The following ADAMTS9 variants were observed in gnomAD, a reference collection of about 807,000 sequenced individuals.
ADAMTS9 encodes ADAM metallopeptidase with thrombospondin type 1 motif 9.
ADAMTS9 carries 107 observed loss-of-function variants against 257.1 expected under a neutral mutation model. The observed-to-expected ratio is 0.42, with a 90% CI of 0.36 to 0.49. The LOEUF (loss-of-function observed/expected upper bound fraction) is 0.49, where lower values mean the gene tolerates loss of function less well. Ranked by LOEUF, ADAMTS9 falls within the 20% of genes least tolerant of loss-of-function variation. ADAMTS9 has a pLI of 0.03. For missense variants in ADAMTS9, 2,353 were observed against 2,469.1 expected (o/e 0.95, Z 1.00); for synonymous variants, 982 against 880.9 (o/e 1.11, Z -2.03).
chr3:64,653,651 GATAGT>G (rs1312892925), intron 8 of ADAMTS9, among the ~76,000 whole-genome samples: 2 of 152,144 alleles, frequency 1.3e-5, no homozygotes, highest in African/African-American at 2.4e-5. Context: ...TTTCGAAATA[GATAGT>G]ATAAGTAATT....
intron 22 of ADAMTS9, among the ~76,000 whole-genome samples, chr3:64,608,204 C>T (rs370803928): frequency 6.9e-6 from 1 of 145,148 alleles, no homozygotes; most frequent in Non-Finnish European, 1.5e-5. Flanking sequence ...GATCTCAAAT[C>T]CACAACCTAA....
intron 12 of ADAMTS9, among the ~76,000 whole-genome samples, chr3:64,638,130 T>A (rs185059408): frequency 6.6e-6 from 1 of 152,300 alleles, no homozygotes; most frequent in East Asian, 1.9e-4. Flanking sequence ...AATCTATGAG[T>A]TTATTATTTT....
intron 19 of ADAMTS9, among the ~76,000 whole-genome samples, chr3:64,617,153 T>A (rs945861172): frequency 6.6e-6 from 1 of 152,172 alleles, no homozygotes; most frequent in Non-Finnish European, 1.5e-5. Context: ...CCTGTCACAG[T>A]GTAGTGGGGC....
At chr3:64,654,723 G>A (rs1176512657) in intron 6 of ADAMTS9, 111 bp from the exon 7 acceptor site, 4 of 1,256,268 alleles carry the variant, frequency 3.2e-6, no homozygotes, top group East Asian at 4.8e-5. Flanking sequence ...TTGGGGTGGG[G>A]GTTAAAAAAA....
intron 39 of ADAMTS9, among the ~76,000 whole-genome samples, chr3:64,519,113 G>A (rs1274978954): frequency 6.6e-6 from 1 of 152,054 alleles, no homozygotes; most frequent in Non-Finnish European, 1.5e-5. Flanking sequence ...TAATTGTTGT[G>A]GGCCTCAGCT....
chr3:64,557,226 T>C (rs1417544043), intron 30 of ADAMTS9, among the ~76,000 whole-genome samples: 1 of 152,032 alleles, frequency 6.6e-6, no homozygotes, highest in African/African-American at 2.4e-5. Context: ...GAGAAGAGTG[T>C]ATTCCAGGTA....
intron 36 of ADAMTS9, 91 bp from the exon 37 acceptor site, chr3:64,539,385 G>A: frequency 9.5e-7 from 1 of 1,056,048 alleles, no homozygotes; most frequent in Non-Finnish European, 1.4e-6. Flanking sequence ...AGACAGAAGG[G>A]AAGAAGAAGA....
At chr3:64,673,461 T>C (rs1002500229) in intron 3 of ADAMTS9, among the ~76,000 whole-genome samples, 1 of 152,162 alleles carries the variant, frequency 6.6e-6, no homozygotes, top group Non-Finnish European at 1.5e-5. Context: ...AAAGGGGCTA[T>C]ATGCAGCAAA....
rs185084634 is a variant in ADAMTS9 at position 64,607,131 on chromosome 3, C to T, written c.3355-52G>A. 81 of 1,598,156 alleles carry T rather than the reference C, an allele frequency of 5.1e-5. No individual in the cohort carries two copies. The East Asian group carries it at 1.5e-3, about 30-fold the overall frequency. On this transcript the variant is annotated intron_variant, in intron 22 of 39. Coordinates refer to ENST00000498707, the MANE Select transcript of ADAMTS9 (RefSeq NM_182920.2). ...TACAATTCAGCAAATCTTCTCTTTC[C>T]CTTACTTTCCCCATAACATTCTGCA... is the stretch of plus-strand genomic sequence containing the variant.
intron 11 of ADAMTS9, 108 bp downstream of exon 11, chr3:64,647,832 A>G: frequency 1.1e-6 from 1 of 944,452 alleles, no homozygotes. Flanking sequence ...TATGCAAGCT[A>G]AAACAGACTG....
At chr3:64,585,162 G>C (rs1339331340) in intron 28 of ADAMTS9, among the ~76,000 whole-genome samples, 1 of 152,128 alleles carries the variant, frequency 6.6e-6, no homozygotes, top group African/African-American at 2.4e-5. Flanking sequence ...ATAAATGATT[G>C]GGGAAACAGG....
chr3:64,686,723 C>A lies in ADAMTS9; in HGVS notation c.361G>T (p.Ala121Ser), dbSNP rs1440981794. The change falls in exon 2 of 40, where the codon GCT becomes TCT. Residue 121 changes from alanine (A) to serine (S), a missense_variant. Physicochemically the swap from Ala to Ser is moderately conservative, Grantham distance 99. Around this residue, in one of 3 missense-constraint regions of ADAMTS9, gnomAD observed 591 missense variants for 569.6 expected, o/e 1.04. Coordinates refer to ENST00000498707, the MANE Select transcript of ADAMTS9 (RefSeq NM_182920.2). The surrounding 1 kb of genome is among the most constrained non-coding windows in gnomAD (Gnocchi z 4.6). ...AGGAGGGTGACAGTGAACAGTGGAG[C>A]GATAAATCCGGCATTGGCGGTGAGA... The part of the protein sequence containing the change: ...FNLTANAGFI[A>S]PLFTVTLLGT... 4.3e-6 allele frequency: 7 copies of A among 1,613,996 alleles called. No individual in the cohort carries two copies. The East Asian group carries it at 6.7e-5, about 15-fold the overall frequency.
At position 64,615,412 on chromosome 3, in the gene ADAMTS9, T is replaced by C. The variant is rs1363050148; in HGVS notation, c.3098A>G (p.Asp1033Gly). The C allele has an allele frequency of 1.9e-6, 3 of 1,614,066 alleles. No individual in the cohort carries two copies. Among genetic ancestry groups the C allele is most frequent in the Non-Finnish European group, 2.5e-6 (3 of 1,179,934 alleles). ...CTCTTGATGTGTGCATTTGCTGTCA[T>C]CCAGTACATCATTTCGGGTATTGAC... is the stretch of plus-strand genomic sequence containing the variant. Reference protein sequence around the residue: ...ICVNTRNDVLDDSKCTHQEKV... With the variant: ...ICVNTRNDVLGDSKCTHQEKV... The change falls in exon 21 of 40, where the codon GAT becomes GGT. Residue 1033 changes from aspartate (D) to glycine (G), a missense_variant. By Grantham distance (94) the Asp-to-Gly change is moderately conservative (BLOSUM62 -1). Around this residue, in one of 3 missense-constraint regions of ADAMTS9, gnomAD observed 1,402 missense variants for 1,441.4 expected, o/e 0.97. Transcript: ENST00000498707.
intron 12 of ADAMTS9, among the ~76,000 whole-genome samples, chr3:64,639,414 T>C (rs1700585241): frequency 6.6e-6 from 1 of 151,214 alleles, no homozygotes; most frequent in Non-Finnish European, 1.5e-5. Flanking sequence ...GTGAGGATCT[T>C]TGTTGCACTT....
chr3:64,540,946 G>A (rs1029464380), intron 36 of ADAMTS9, 149 bp downstream of exon 36: 13 of 1,152,726 alleles, frequency 1.1e-5, no homozygotes, highest in Non-Finnish European at 1.6e-5. Flanking sequence ...TGCACTGTAA[G>A]CTCCCAATGT....
At chr3:64,597,071 G>C (rs760540872) in intron 26 of ADAMTS9, 80 bp from the exon 27 acceptor site, 74 of 1,559,498 alleles carry the variant, frequency 4.7e-5, no homozygotes, top group Non-Finnish European at 5.9e-5. Context: ...GAAAGGTTAA[G>C]ACAAATGTGC....
chr3:64,664,658 G>A (rs780778884), intron 3 of ADAMTS9, among the ~76,000 whole-genome samples: 32 of 152,148 alleles, frequency 2.1e-4, no homozygotes, highest in Non-Finnish European at 4.4e-4. Flanking sequence ...ACCACATAAT[G>A]TTTATCCATT....
At chr3:64,524,047 T>C (rs2082881653) in intron 38 of ADAMTS9, among the ~76,000 whole-genome samples, 1 of 152,186 alleles carries the variant, frequency 6.6e-6, no homozygotes, top group African/African-American at 2.4e-5. Flanking sequence ...TAATACTGTT[T>C]GGATCACAAG....
chr3:64,599,412 A>T (rs979123829), intron 26 of ADAMTS9, among the ~76,000 whole-genome samples: 22 of 152,226 alleles, frequency 1.4e-4, no homozygotes, highest in Non-Finnish European at 3.1e-4. Context: ...GTCATCCACA[A>T]TGGACAAAAT....
Sources: allele counts gnomAD v4.1 joint callset (sites outside exome capture counted in the v4.1 genomes callset), GRCh38; gene constraint gnomAD v4.1.1; regional missense constraint gnomAD v4.1.1; non-coding constraint Gnocchi (gnomAD v3.1); transcripts MANE v1.5; gene names NCBI Gene and HGNC (gene_info 2026-07-23, HGNC 2026-07-21).